SLC35F3: variants seen among roughly 807,000 people sequenced by gnomAD.
The protein encoded by SLC35F3 is solute carrier family 35 member F3.
A neutral mutation model predicts 49.9 loss-of-function variants in SLC35F3; 25 were observed. That is an observed-to-expected ratio of 0.50 (90% CI 0.37 to 0.70). The LOEUF (loss-of-function observed/expected upper bound fraction) is 0.70, where lower values mean the gene tolerates loss of function less well. Among genes scored for constraint, SLC35F3 ranks in the 30% least tolerant of loss-of-function variants. The probability of loss-of-function intolerance (pLI) is 0.00; values close to 1 mark genes in which losing one functional copy is unlikely to be tolerated. For synonymous variants in SLC35F3, 275 were observed against 265.4 expected (o/e 1.04, Z -0.35); for missense variants, 525 against 639.8 (o/e 0.82, Z 1.94).
intron 3 of SLC35F3, among the ~76,000 whole-genome samples, chr1:234,236,362 C>T (rs1240550083): frequency 6.6e-6 from 1 of 152,058 alleles, no homozygotes; most frequent in Non-Finnish European, 1.5e-5. Flanking sequence ...TCACCTGAGC[C>T]TTGGGAGGTT....
intron 2 of SLC35F3, among the ~76,000 whole-genome samples, chr1:233,943,583 G>A (rs554243230): frequency 4.5e-4 from 69 of 152,262 alleles, no homozygotes; most frequent in African/African-American, 1.1e-3. Flanking sequence ...AGGAATAAAA[G>A]GGTAATAAAA....
At chr1:233,908,789 C>T (rs933042254) in intron 2 of SLC35F3, among the ~76,000 whole-genome samples, 32 of 151,488 alleles carry the variant, frequency 2.1e-4, no homozygotes, top group Middle Eastern at 3.4e-3. Flanking sequence ...CCACCTCGGC[C>T]TCCCAAAGTG....
At chr1:234,243,471 G>GA (rs1667585651) in intron 3 of SLC35F3, among the ~76,000 whole-genome samples, 1 of 152,218 alleles carries the variant, frequency 6.6e-6, no homozygotes, top group African/African-American at 2.4e-5. Context: ...GCCCAGCTTA[G>GA]AAAGTGCCTT....
intron 3 of SLC35F3, among the ~76,000 whole-genome samples, chr1:234,254,940 G>GTAC (rs1290416038): frequency 1.1e-4 from 17 of 152,142 alleles, no homozygotes; most frequent in African/African-American, 3.6e-4. Flanking sequence ...TAGTACTTTT[G>GTAC]TTAGTAACTA....
intron 3 of SLC35F3, among the ~76,000 whole-genome samples, chr1:234,301,449 A>G (rs1558103728): frequency 1.3e-5 from 2 of 152,238 alleles, no homozygotes; most frequent in Non-Finnish European, 2.9e-5. Context: ...AATGCTCAAC[A>G]TCACTGATCA....
chr1:234,204,582 A>C (rs1290263629), intron 2 of SLC35F3, among the ~76,000 whole-genome samples: 1 of 152,212 alleles, frequency 6.6e-6, no homozygotes. Flanking sequence ...ATCTGTTAGA[A>C]GGTAGTTTAG....
chr1:234,305,760 C>T (rs183710155), intron 3 of SLC35F3, among the ~76,000 whole-genome samples: 85 of 152,300 alleles, frequency 5.6e-4, no homozygotes, highest in South Asian at 2.1e-3. Context: ...TCGTTTCCCA[C>T]TCATATTTCA....
intron 3 of SLC35F3, among the ~76,000 whole-genome samples, chr1:234,254,513 G>C (rs1333603992): frequency 6.6e-6 from 1 of 152,198 alleles, no homozygotes; most frequent in Non-Finnish European, 1.5e-5. Flanking sequence ...TATGAAGAAG[G>C]AGGTAAAATC....
At chr1:234,249,724 T>C (rs1378634961) in intron 3 of SLC35F3, among the ~76,000 whole-genome samples, 1 of 152,258 alleles carries the variant, frequency 6.6e-6, no homozygotes, top group Non-Finnish European at 1.5e-5. Flanking sequence ...TCTCTCACCA[T>C]TATCGTTCAT....
At chr1:234,079,646 T>C (rs969321522) in intron 2 of SLC35F3, among the ~76,000 whole-genome samples, 3 of 152,168 alleles carry the variant, frequency 2.0e-5, no homozygotes, top group African/African-American at 7.2e-5. Flanking sequence ...TAATCACCAA[T>C]GAAATGTCTA....
chr1:234,121,110 A>G lies in SLC35F3; in HGVS notation c.284-110307A>G, dbSNP rs960069909. Among the ~76,000 whole-genome samples, 10 of 149,406 alleles carry G rather than the reference A, an allele frequency of 6.7e-5. No homozygotes were observed. In the South Asian group the frequency reaches 1.7e-3, roughly 26 times the overall value. ...TCTGAGTTCTGGTCATTTTATTTTT[A>G]TCAATTTGAAGATGAAAAATTACTT... On this transcript the variant is annotated intron_variant, in intron 2 of 7. Transcript: ENST00000366618.
chr1:234,199,715 T>C (rs1178881647), intron 2 of SLC35F3, among the ~76,000 whole-genome samples: 1 of 152,100 alleles, frequency 6.6e-6, no homozygotes, highest in Non-Finnish European at 1.5e-5. Context: ...ATCCACAGAT[T>C]GGAAGAAAAT....
chr1:234,037,321 T>C (rs1664158316), intron 2 of SLC35F3, among the ~76,000 whole-genome samples: 1 of 152,130 alleles, frequency 6.6e-6, no homozygotes, highest in Non-Finnish European at 1.5e-5. Flanking sequence ...CAGGAGCTAA[T>C]AAAGCAAAAA....
At chr1:234,154,194 T>C (rs1024924925) in intron 2 of SLC35F3, among the ~76,000 whole-genome samples, 2 of 152,044 alleles carry the variant, frequency 1.3e-5, no homozygotes, top group Non-Finnish European at 2.9e-5. Flanking sequence ...GAAGCTGCAG[T>C]GAGCTGTGAT....
intron 2 of SLC35F3, among the ~76,000 whole-genome samples, chr1:234,055,326 CTT>C (rs1454208840): frequency 1.3e-5 from 2 of 152,142 alleles, no homozygotes; most frequent in African/African-American, 2.4e-5. Flanking sequence ...TTCCCGGCCT[CTT>C]TGTTTACCTA....
intron 3 of SLC35F3, among the ~76,000 whole-genome samples, chr1:234,268,330 C>T (rs1668035839): frequency 7.7e-6 from 1 of 130,508 alleles, no homozygotes; most frequent in Non-Finnish European, 1.6e-5. Context: ...CGGCGCGCGC[C>T]TGCAATCGCA....
rs56960667 is a variant in SLC35F3, at chr1:234,058,328, A to ATTT, written c.283+152598_283+152600dup. 6.4e-3 allele frequency among the ~76,000 whole-genome samples: 256 copies of ATTT among 39,786 alleles called. 81 individuals are homozygous for ATTT. The highest frequency in any genetic ancestry group is 0.025 in the African/African-American group (184 of 7,276). 26.1% of individuals were successfully genotyped at this position (39,786 alleles called of 152,430 possible). A position where few individuals can be genotyped will look rare whatever the true frequency, so the allele number is the denominator to read the frequency against. On this transcript the variant is annotated intron_variant, in intron 2 of 7. Coordinates refer to ENST00000366618, the MANE Select transcript of SLC35F3 (RefSeq NM_173508.4). The stretch of plus-strand genomic sequence containing the variant: ...TAATTGTCTTTATAAATGTTCCTGA[A>ATTT]TTTTTTTTTTTTTTTTTTTTTTTTT...
At chr1:234,319,257 T>C (rs936746239) in intron 6 of SLC35F3, among the ~76,000 whole-genome samples, 4 of 152,222 alleles carry the variant, frequency 2.6e-5, no homozygotes, top group Non-Finnish European at 4.4e-5. Flanking sequence ...TGCAGAGGTC[T>C]TAGAACATTG....
intron 3 of SLC35F3, among the ~76,000 whole-genome samples, chr1:234,279,794 T>C (rs554795798): frequency 1.3e-5 from 2 of 152,288 alleles, no homozygotes; most frequent in South Asian, 2.1e-4. Flanking sequence ...AAACTAAAAA[T>C]GCTAATTTGT....
Sources: allele counts gnomAD v4.1 joint callset (sites outside exome capture counted in the v4.1 genomes callset), GRCh38; gene constraint gnomAD v4.1.1; transcripts MANE v1.5; gene names NCBI Gene and HGNC (gene_info 2026-07-23, HGNC 2026-07-21).